Variants in RABGEF1 observed in about 807,000 individuals in gnomAD.
RABGEF1 encodes the protein rab5 GDP/GTP exchange factor.
RABGEF1 carries 26 observed loss-of-function variants against 57.3 expected under a neutral mutation model. The observed-to-expected ratio is 0.45, with a 90% confidence interval of 0.33 to 0.63. The LOEUF (loss-of-function observed/expected upper bound fraction) is 0.63. RABGEF1 is among the 20% of genes least tolerant of loss of function. RABGEF1 has a pLI of 0.02. For synonymous variants in RABGEF1, 185 were observed against 210.7 expected (o/e 0.88, Z 1.06); for missense variants, 464 against 607.6 (o/e 0.76, Z 2.48).
intron 1 of RABGEF1, among the ~76,000 whole-genome samples, chr7:66,745,077 A>G (rs1456643343): frequency 6.6e-6 from 1 of 151,918 alleles, no homozygotes; most frequent in African/African-American, 2.4e-5. Context: ...CTGTAGTCTC[A>G]GTTACTCAGG....
chr7:66,687,348 ACTC>A (rs1473577788), intron 1 of RABGEF1, among the ~76,000 whole-genome samples: 2 of 146,646 alleles, frequency 1.4e-5, no homozygotes, highest in Admixed American at 6.8e-5. Flanking sequence ...TCAGTCTCAA[ACTC>A]CTGAACTGAG....
chr7:66,794,715 A>G (rs1813598763), intron 4 of RABGEF1, among the ~76,000 whole-genome samples: 4 of 152,178 alleles, frequency 2.6e-5, no homozygotes, highest in Admixed American at 2.6e-4. Flanking sequence ...TAAGCGGTTA[A>G]TGCCACTTTT....
the RABGEF1 span, among the ~76,000 whole-genome samples, chr7:66,673,571 A>C: frequency 2.4e-4 from 37 of 151,200 alleles, no homozygotes; most frequent in Non-Finnish European, 1.5e-5. Flanking sequence ...GGGATAACCC[A>C]TGAATAGTGG....
intron 1 of RABGEF1, among the ~76,000 whole-genome samples, chr7:66,761,559 T>C (rs1462324892): frequency 6.6e-6 from 1 of 152,238 alleles, no homozygotes; most frequent in African/African-American, 2.4e-5. Context: ...TTCAGCTGTC[T>C]GAAAGCTTCC....
intron 3 of RABGEF1, among the ~76,000 whole-genome samples, chr7:66,781,621 G>A (rs1163951674): frequency 6.6e-6 from 1 of 152,094 alleles, no homozygotes; most frequent in African/African-American, 2.4e-5. Flanking sequence ...ACGTTACTTG[G>A]TGGTTTTTCT....
chr7:66,759,390 G>A (rs1406157161), intron 1 of RABGEF1, among the ~76,000 whole-genome samples: 4 of 152,292 alleles, frequency 2.6e-5, no homozygotes, highest in African/African-American at 7.2e-5. Context: ...TTCCCCAGCC[G>A]TAAACTCTAG....
At chr7:66,747,563 G>C (rs1297383878) in intron 1 of RABGEF1, among the ~76,000 whole-genome samples, 1 of 152,080 alleles carries the variant, frequency 6.6e-6, no homozygotes, top group Non-Finnish European at 1.5e-5. Context: ...TTTTCACATA[G>C]GGGTATATTT....
chr7:66,697,367 A>G (rs1222863758), intron 1 of RABGEF1, among the ~76,000 whole-genome samples: 1 of 152,174 alleles, frequency 6.6e-6, no homozygotes, highest in Non-Finnish European at 1.5e-5. Context: ...AGAAAAGTCC[A>G]TACTTGGGGA....
the RABGEF1 span, among the ~76,000 whole-genome samples, chr7:66,665,658 T>C: frequency 6.6e-6 from 1 of 152,144 alleles, no homozygotes; most frequent in Admixed American, 6.5e-5. Flanking sequence ...ATCTAGAACA[T>C]CGTAGGACTT....
At chr7:66,730,247 T>C (rs1172917400) in intron 2 of RABGEF1, among the ~76,000 whole-genome samples, 1 of 152,178 alleles carries the variant, frequency 6.6e-6, no homozygotes, top group Non-Finnish European at 1.5e-5. Flanking sequence ...CTGGGAGCAT[T>C]TCCAGCCTCC....
chr7:66,660,130 G>A, the RABGEF1 span, among the ~76,000 whole-genome samples: 10 of 151,974 alleles, frequency 6.6e-5, no homozygotes, highest in African/African-American at 9.7e-5. Context: ...GGCGGATCAC[G>A]AGGTCAGGAG....
At chr7:66,773,789 C>T (rs1419637739) in intron 2 of RABGEF1, 2 of 451,068 alleles carry the variant, frequency 4.4e-6, no homozygotes, top group East Asian at 1.4e-4. Flanking sequence ...CTTCAGCCTC[C>T]CAAGTAGCTA....
intron 1 of RABGEF1, among the ~76,000 whole-genome samples, chr7:66,762,414 AACC>A (rs1481097123): frequency 6.6e-6 from 1 of 152,074 alleles, no homozygotes; most frequent in African/African-American, 2.4e-5. Flanking sequence ...AATATGGCGA[AACC>A]CTGTCTCTAC....
chr7:66,726,070 G>A (rs1480323650), intron 2 of RABGEF1, among the ~76,000 whole-genome samples: 2 of 152,180 alleles, frequency 1.3e-5, no homozygotes, highest in African/African-American at 4.8e-5. Context: ...CAGGGCACAA[G>A]GCCACATCTG....
At chr7:66,723,915 A>G (rs1796320646) in intron 2 of RABGEF1, among the ~76,000 whole-genome samples, 1 of 152,214 alleles carries the variant, frequency 6.6e-6, no homozygotes. Flanking sequence ...AAGAGAAAAT[A>G]TCTGTTACAT....
At chr7:66,676,456 G>T in the RABGEF1 span, among the ~76,000 whole-genome samples, 1 of 152,094 alleles carries the variant, frequency 6.6e-6, no homozygotes, top group East Asian at 1.9e-4. Flanking sequence ...CTCCACATAT[G>T]TGGGTTTCAC....
At chr7:66,795,652 T>C (rs1252682030) in intron 5 of RABGEF1, 60 bp downstream of exon 5, 3 of 1,441,542 alleles carry the variant, frequency 2.1e-6, no homozygotes, top group African/African-American at 2.8e-5. Flanking sequence ...GCTCAGTCTC[T>C]TAGCAATTTC....
chr7:66,692,725 C>T (rs1431700642), intron 1 of RABGEF1, among the ~76,000 whole-genome samples: 1 of 151,246 alleles, frequency 6.6e-6, no homozygotes, highest in Non-Finnish European at 1.5e-5. Flanking sequence ...TCTCTGCAGC[C>T]AAGCACTGAT....
chr7:66,780,726 G>GTA (rs1406752819), intron 3 of RABGEF1, among the ~76,000 whole-genome samples: 6 of 152,032 alleles, frequency 3.9e-5, no homozygotes, highest in Admixed American at 1.3e-4. Context: ...AGTGTTATTA[G>GTA]TATATATATA....
Sources: allele counts gnomAD v4.1 joint callset (sites outside exome capture counted in the v4.1 genomes callset), GRCh38; gene constraint gnomAD v4.1.1; transcripts MANE v1.5; gene names NCBI Gene and HGNC (gene_info 2026-07-23, HGNC 2026-07-21).